Variants in ERICH5 observed in about 807,000 individuals in gnomAD.
The protein encoded by ERICH5 is glutamate-rich protein 5.
Under a neutral mutation model 28.0 loss-of-function variants are expected in ERICH5, and 24 were observed. The observed-to-expected ratio is 0.86, with a 90% confidence interval of 0.62 to 1.21. ERICH5 has a LOEUF of 1.21. Ranked by LOEUF, ERICH5 falls within the 50% of genes most tolerant of loss-of-function variation. The pLI is 0.00. For synonymous variants in ERICH5, 163 were observed against 157.6 expected (o/e 1.03, Z -0.25); for missense variants, 421 against 441.2 (o/e 0.95, Z 0.41).
At chr8:98,093,154 A>T (rs1346153401) in intron 2 of ERICH5, 67 bp from the exon 3 acceptor site, 19 of 1,134,200 alleles carry the variant, frequency 1.7e-5, no homozygotes, top group Non-Finnish European at 2.3e-5. Flanking sequence ...TTGGAGACAA[A>T]CTGTGGGATA....
intron 1 of ERICH5, among the ~76,000 whole-genome samples, 189 bp from the exon 2 acceptor site, chr8:98,088,887 T>G (rs59714888): frequency 0.23 from 35,462 of 152,066 alleles, 4,513 homozygotes; most frequent in Middle Eastern, 0.46. Flanking sequence ...ATGTTTGAGC[T>G]GAAGACAATA....
intron 1 of ERICH5, among the ~76,000 whole-genome samples, chr8:98,086,138 G>A (rs1410334029): frequency 2.0e-5 from 3 of 152,038 alleles, no homozygotes; most frequent in African/African-American, 7.3e-5. Context: ...CCACTAAAAT[G>A]ACAGTAAAGA....
chr8:98,073,460 GTATATA>G (rs1321366335), intron 1 of ERICH5, among the ~76,000 whole-genome samples: 1 of 14,370 alleles, frequency 7.0e-5, no homozygotes, highest in South Asian at 9.4e-3. Context: ...ATATATATAT[GTATATA>G]TATATATATA....
rs369202123 is a variant in ERICH5 at position 98,084,600 on chromosome 8, C to T, written c.59-4476C>T. Among the ~76,000 whole-genome samples, 52 of 151,734 alleles carry T rather than the reference C, an allele frequency of 3.4e-4. 2 individuals are homozygous for T. The highest frequency in any genetic ancestry group is 1.2e-3 in the African/African-American group (49 of 41,390). On this transcript the variant is annotated intron_variant, in intron 1 of 2. Coordinates refer to ENST00000318528, the MANE Select transcript of ERICH5 (RefSeq NM_173549.3). ...TTCACCATGTTGGCCAGGCTGGTCT[C>T]GAACTCCGGACCTCAGGTGATCCAC...
Position 98,089,179 on chromosome 8 carries a change from A to T in ERICH5, c.162A>T (p.Val54=). The T allele has an allele frequency of 6.2e-7, 1 of 1,614,252 alleles. No homozygotes were observed. Among genetic ancestry groups the T allele is most frequent in the African/African-American group, 1.3e-5 (1 of 75,072 alleles). ...GAGAATCTACTGTTGATGGCAATGTACAAAGGGAAAGCCGTCCTCCCTTAC... is the reference window on the plus strand; with the variant it reads ...GAGAATCTACTGTTGATGGCAATGTTCAAAGGGAAAGCCGTCCTCCCTTAC... ...LGRESTVDGN[V]QRESRPPLQK... is the part of the protein sequence containing the mutation. Residue 54 remains valine (V), a synonymous_variant, in exon 2 of 3, where the codon GTA becomes GTT. Coordinates refer to ENST00000318528, the MANE Select transcript of ERICH5 (RefSeq NM_173549.3).
chr8:98,079,153 CTTTTTTTTTTTCCT>C lies in ERICH5; in HGVS notation c.59-9911_59-9898del, dbSNP rs1451061425. Among the ~76,000 whole-genome samples the C allele has an allele frequency of 1.0e-3, 136 of 132,388 alleles. 2 individuals carry two copies. Among genetic ancestry groups the C allele is most frequent in the Admixed American group, 1.4e-3 (18 of 12,440 alleles). 86.9% of individuals were successfully genotyped at this position (132,388 alleles called of 152,430 possible). A position where few individuals can be genotyped will look rare whatever the true frequency, so the allele number is the denominator to read the frequency against. ...AGGATACCAGGGACCACATTTTCCTCTTTTTTTTTTTCCTTTTTTTTTTTTTTTTTTTTTTGAGA... is the reference window on the plus strand; with the variant it reads ...AGGATACCAGGGACCACATTTTCCTCTTTTTTTTTTTTTTTTTTTTTGAGA... On this transcript the variant is annotated intron_variant, in intron 1 of 2. Coordinates refer to ENST00000318528, the MANE Select transcript of ERICH5 (RefSeq NM_173549.3).
At position 98,091,059 on chromosome 8, in the gene ERICH5, T is replaced by A. The variant is rs371303928; in HGVS notation, c.1012+1030T>A. On this transcript the variant is annotated intron_variant, in intron 2 of 2. Transcript: ENST00000318528. ...TTCAAGCGATTCTCCCGCCTCAGCC[T>A]CCTGAGTAGCTGGGACTACAGGCGC... 5.6e-4 allele frequency among the ~76,000 whole-genome samples: 86 copies of A among 152,332 alleles called. 2 individuals are homozygous for A. In the South Asian group the frequency reaches 0.017, roughly 30 times the overall value.
intron 1 of ERICH5, 78 bp from the exon 2 acceptor site, chr8:98,088,998 A>G (rs1586207343): frequency 9.2e-7 from 1 of 1,087,542 alleles, no homozygotes; most frequent in East Asian, 2.5e-5. Context: ...TTGTGATGTC[A>G]ATTCACTTTT....
At chr8:98,086,708 T>G (rs907366825) in intron 1 of ERICH5, among the ~76,000 whole-genome samples, 2 of 152,088 alleles carry the variant, frequency 1.3e-5, no homozygotes, top group Non-Finnish European at 2.9e-5. Context: ...CCCAGCACTT[T>G]GGGAGGCTGA....
intron 1 of ERICH5, among the ~76,000 whole-genome samples, chr8:98,073,434 A>C (rs6150722): frequency 0.77 from 17,859 of 23,086 alleles, 6,746 homozygotes; most frequent in South Asian, 0.79. Context: ...CTCTCTCTCT[A>C]TATATATATA....
At chr8:98,069,481 G>A (rs754723222) in intron 1 of ERICH5, among the ~76,000 whole-genome samples, 5 of 151,248 alleles carry the variant, frequency 3.3e-5, no homozygotes, top group African/African-American at 1.2e-4. Context: ...TATACCCACC[G>A]TTCCTCACTT....
intron 2 of ERICH5, among the ~76,000 whole-genome samples, chr8:98,091,510 C>G (rs1815381663): frequency 6.6e-6 from 1 of 152,158 alleles, no homozygotes; most frequent in Non-Finnish European, 1.5e-5. Flanking sequence ...GCCTAGGATA[C>G]TGAAAATGAG....
intron 1 of ERICH5, among the ~76,000 whole-genome samples, chr8:98,077,112 A>G (rs77894911): frequency 0.066 from 9,932 of 149,858 alleles, 434 homozygotes; most frequent in East Asian, 0.19. Context: ...AAAAAAAAAA[A>G]GGATGCTATA....
rs1044660210 is a variant in ERICH5, at chr8:98,064,594, G to A, written c.-76G>A. 86 of 1,277,862 alleles carry A rather than the reference G, an allele frequency of 6.7e-5. 1 individual carries two copies. The highest frequency in any genetic ancestry group is 2.8e-4 in the South Asian group (19 of 67,106). 79.2% of individuals were successfully genotyped at this position (1,277,862 alleles called of 1,614,324 possible). The stretch of plus-strand genomic sequence containing the variant: ...GAGCTGGAGAAACTTCCGCGGCTAC[G>A]GGTGCAGTTGCCTTCGGTTCCCGGT... On this transcript the variant is annotated 5_prime_UTR_variant, in exon 1 of 3. Transcript: ENST00000318528.
At chr8:98,073,219 G>A (rs551461663) in intron 1 of ERICH5, among the ~76,000 whole-genome samples, 3 of 151,432 alleles carry the variant, frequency 2.0e-5, no homozygotes, top group African/African-American at 4.8e-5. Flanking sequence ...CTACAAAATA[G>A]GATCAACAAT....
intron 1 of ERICH5, among the ~76,000 whole-genome samples, chr8:98,084,683 G>A (rs544510375): frequency 3.3e-4 from 50 of 152,164 alleles, no homozygotes; most frequent in African/African-American, 1.1e-3. Flanking sequence ...ACCCAGCTGG[G>A]AGGTTTTTAA....
intron 2 of ERICH5, among the ~76,000 whole-genome samples, chr8:98,091,893 T>C (rs867637110): frequency 2.9e-5 from 2 of 69,948 alleles, no homozygotes; most frequent in African/African-American, 5.3e-5. Flanking sequence ...TCTTTCTTTC[T>C]TTCTTTCCTT....
intron 1 of ERICH5, among the ~76,000 whole-genome samples, chr8:98,070,069 A>G (rs940210287): frequency 7.9e-5 from 12 of 152,140 alleles, no homozygotes; most frequent in South Asian, 2.1e-4. Flanking sequence ...TCTCAGAGCT[A>G]GTAGGTCTAG....
intron 1 of ERICH5, among the ~76,000 whole-genome samples, chr8:98,076,902 G>A (rs1815064590): frequency 6.6e-6 from 1 of 152,076 alleles, no homozygotes; most frequent in African/African-American, 2.4e-5. Context: ...CTTCAAAGTG[G>A]AATCAAACTT....
Sources: allele counts gnomAD v4.1 joint callset (sites outside exome capture counted in the v4.1 genomes callset), GRCh38; gene constraint gnomAD v4.1.1; transcripts MANE v1.5; gene names NCBI Gene and HGNC (gene_info 2026-07-23, HGNC 2026-07-21).